Variants in AUH observed in about 807,000 individuals in gnomAD.
AUH encodes the protein methylglutaconyl-CoA hydratase, mitochondrial.
A neutral mutation model predicts 42.3 loss-of-function variants in AUH; 29 were observed. The ratio of observed to expected loss-of-function variants is 0.69; its 90% CI spans 0.51 to 0.93. AUH has a LOEUF of 0.93. Among genes scored for constraint, AUH ranks in the 40% least tolerant of loss-of-function variants. The pLI is 0.00. For synonymous variants in AUH, 174 were observed against 166.4 expected (o/e 1.05, Z -0.35); for missense variants, 452 against 438.1 (o/e 1.03, Z -0.28).
chr9:91,269,111 G>C (rs1824903134), intron 6 of AUH, among the ~76,000 whole-genome samples: 1 of 152,140 alleles, frequency 6.6e-6, no homozygotes, highest in Non-Finnish European at 1.5e-5. Context: ...CTCCTGAGGA[G>C]CTCGGACTAC....
chr9:91,314,853 T>G (rs1829023414), intron 4 of AUH, among the ~76,000 whole-genome samples: 1 of 152,224 alleles, frequency 6.6e-6, no homozygotes, highest in Non-Finnish European at 1.5e-5. Context: ...TTCTTCCTGA[T>G]AAAGAGACTA....
At chr9:91,337,405 T>C (rs1273656633) in intron 3 of AUH, among the ~76,000 whole-genome samples, 4 of 152,304 alleles carry the variant, frequency 2.6e-5, no homozygotes, top group South Asian at 4.1e-4. Context: ...CCACAGTCCA[T>C]ATACTTTGGA....
Position 91,214,005 on chromosome 9 carries a change from C to T in AUH, c.*343G>A. The T allele has an allele frequency of 4.1e-6, 1 of 245,682 alleles. No individual in the cohort carries two copies. Among genetic ancestry groups the T allele is most frequent in the South Asian group, 5.8e-5 (1 of 17,318 alleles). The allele number at this position is 245,682 out of a possible 1,614,324, so 15.2% of individuals were successfully genotyped here. On this transcript the variant is annotated 3_prime_UTR_variant, in exon 10 of 10. Transcript: ENST00000375731. ...TATTTTCTTAATGCAGCACAGTAGA[C>T]ATACAATCAATATTATTCCCTAGAA... is the stretch of plus-strand genomic sequence containing the variant.
chr9:91,243,731 G>A (rs1246610593), intron 6 of AUH, among the ~76,000 whole-genome samples: 1 of 152,174 alleles, frequency 6.6e-6, no homozygotes, highest in South Asian at 2.1e-4. Context: ...GATCAGCCCG[G>A]GTGGAGCAGC....
intron 6 of AUH, among the ~76,000 whole-genome samples, chr9:91,252,724 A>G (rs1267438451): frequency 6.6e-6 from 1 of 152,246 alleles, no homozygotes; most frequent in Non-Finnish European, 1.5e-5. Context: ...GGATGTGGAT[A>G]TAATACATAT....
rs183994997 is a variant in AUH at position 91,232,594 on chromosome 9, G to A, written c.656-11602C>T. 1.5e-4 allele frequency among the ~76,000 whole-genome samples: 23 copies of A among 152,228 alleles called. 2 individuals carry two copies. The highest frequency in any genetic ancestry group is 1.2e-3 in the Admixed American group (18 of 15,294). ...GTGAAGTTTCGTGTACCTACATGACGCTATGTCCAGATCAGCAAGCAGAAA... is the reference window on the plus strand; with the variant it reads ...GTGAAGTTTCGTGTACCTACATGACACTATGTCCAGATCAGCAAGCAGAAA... On this transcript the variant is annotated intron_variant, in intron 6 of 9. Coordinates refer to ENST00000375731, the MANE Select transcript of AUH (RefSeq NM_001698.3).
At chr9:91,323,845 G>A (rs1829775432) in intron 4 of AUH, among the ~76,000 whole-genome samples, 1 of 152,032 alleles carries the variant, frequency 6.6e-6, no homozygotes, top group Admixed American at 6.6e-5. Flanking sequence ...ACTATGGATA[G>A]AAAGATTTAC....
At chr9:91,335,826 GAC>G (rs1830649175) in intron 3 of AUH, among the ~76,000 whole-genome samples, 1 of 151,992 alleles carries the variant, frequency 6.6e-6, no homozygotes, top group Admixed American at 6.6e-5. Context: ...TTTTGTTAAT[GAC>G]TTCTAACAAC....
chr9:91,282,937 AG>A (rs1826091093), intron 6 of AUH, among the ~76,000 whole-genome samples: 1 of 152,208 alleles, frequency 6.6e-6, no homozygotes, highest in Admixed American at 6.5e-5. Context: ...ACAGAAAAAG[AG>A]GGAATCTTCC....
rs773515 is a variant in AUH at position 91,220,650 on chromosome 9, C to T, written c.843+155G>A. ...AATTCCACAGGATCATAGTGTTTATCTTGTGTAACTGCTCTAGTTTTACAG... is the reference window on the plus strand; with the variant it reads ...AATTCCACAGGATCATAGTGTTTATTTTGTGTAACTGCTCTAGTTTTACAG... On this transcript the variant is annotated intron_variant, in intron 7 of 9. Coordinates refer to ENST00000375731, the MANE Select transcript of AUH (RefSeq NM_001698.3). 0.51 allele frequency among the ~76,000 whole-genome samples: 77,490 copies of T among 152,136 alleles called. 22,153 individuals are homozygous for T. Among genetic ancestry groups the T allele is most frequent in the Admixed American group, 0.64 (9,850 of 15,292 alleles).
chr9:91,297,840 G>A (rs1384382743), intron 5 of AUH, 144 bp downstream of exon 5: 7 of 719,064 alleles, frequency 9.7e-6, no homozygotes, highest in African/African-American at 3.6e-5. Context: ...TGGGAATTTC[G>A]AAAACACCAT....
At chr9:91,361,498 G>A in intron 1 of AUH, 130 bp downstream of exon 1, 1 of 1,296,468 alleles carries the variant, frequency 7.7e-7, no homozygotes, top group Non-Finnish European at 1.0e-6. Context: ...TGAGAAAGGG[G>A]AGGGACCCAG....
rs141282757 is a variant in AUH, at chr9:91,312,886, G to C, written c.505+12432C>G. 5.5e-3 allele frequency among the ~76,000 whole-genome samples: 839 copies of C among 152,312 alleles called. 10 individuals carry two copies. The highest frequency in any genetic ancestry group is 0.041 in the East Asian group (214 of 5,180). The stretch of plus-strand genomic sequence containing the variant: ...GTCAAAGACAAAAATCTAACAAATT[G>C]AGTTATAGATCCAATTGCCTTTTAT... On this transcript the variant is annotated intron_variant, in intron 4 of 9. Transcript: ENST00000375731.
At chr9:91,261,349 T>C (rs1829698314) in intron 6 of AUH, among the ~76,000 whole-genome samples, 1 of 152,228 alleles carries the variant, frequency 6.6e-6, no homozygotes, top group African/African-American at 2.4e-5. Context: ...TTAAGGATAG[T>C]ATGGCCCTAC....
At chr9:91,253,614 G>C (rs1370947597) in intron 6 of AUH, among the ~76,000 whole-genome samples, 1 of 152,328 alleles carries the variant, frequency 6.6e-6, no homozygotes, top group East Asian at 1.9e-4. Flanking sequence ...ATGAGGAGCT[G>C]ACTTTCACGG....
chr9:91,221,012 G>C lies in AUH; in HGVS notation c.656-20C>G. The C allele has an allele frequency of 6.2e-7, 1 of 1,613,400 alleles. No individual in the cohort carries two copies. Among genetic ancestry groups the C allele is most frequent in the Non-Finnish European group, 8.5e-7 (1 of 1,179,510 alleles). The stretch of plus-strand genomic sequence containing the variant: ...TCCCCCCTGAGGGGTGAAAGAGAGA[G>C]AAAAGGCAATGATTTGACACCTGTT... On this transcript the variant is annotated intron_variant, in intron 6 of 9. Transcript: ENST00000375731.
intron 6 of AUH, among the ~76,000 whole-genome samples, chr9:91,243,295 C>T (rs1228945181): frequency 6.6e-6 from 1 of 152,100 alleles, no homozygotes; most frequent in African/African-American, 2.4e-5. Context: ...TAAGCCTCAG[C>T]GAGACTTAAT....
At chr9:91,228,961 G>T (rs1013520547) in intron 6 of AUH, among the ~76,000 whole-genome samples, 3 of 152,124 alleles carry the variant, frequency 2.0e-5, no homozygotes, top group Non-Finnish European at 4.4e-5. Context: ...GCTGAGGAGA[G>T]CTTTACTTCC....
At chr9:91,330,971 G>A (rs947132552) in intron 3 of AUH, among the ~76,000 whole-genome samples, 1 of 152,148 alleles carries the variant, frequency 6.6e-6, no homozygotes, top group Non-Finnish European at 1.5e-5. Context: ...GAAATTTACA[G>A]AATTATGTGC....
Sources: allele counts gnomAD v4.1 joint callset (sites outside exome capture counted in the v4.1 genomes callset), GRCh38; gene constraint gnomAD v4.1.1; transcripts MANE v1.5; gene names NCBI Gene and HGNC (gene_info 2026-07-23, HGNC 2026-07-21).